The following MEST variants were observed in gnomAD, a reference collection of about 807,000 sequenced individuals.
MEST encodes mesoderm-specific transcript homolog protein.
A neutral mutation model predicts 50.9 loss-of-function variants in MEST; 18 were observed. The observed-to-expected ratio is 0.35, with a 90% CI of 0.24 to 0.52. The LOEUF (loss-of-function observed/expected upper bound fraction) is 0.52, where lower values mean the gene tolerates loss of function less well. Ranked by LOEUF, MEST falls within the 20% of genes least tolerant of loss-of-function variation. The pLI is 0.94. For synonymous variants in MEST, 130 were observed against 154.1 expected, an observed-to-expected ratio of 0.84 and a Z score of 1.16; for missense variants, 282 against 425.3, an observed-to-expected ratio of 0.66 and a Z score of 2.96.
Position 130,504,014 on chromosome 7 carries a change from A to G in MEST, c.890+18A>G, listed in dbSNP as rs1554439219. 2.5e-6 allele frequency: 4 copies of G among 1,602,862 alleles called. No homozygotes were observed. The Admixed American group carries it at 6.7e-5, about 27-fold the overall frequency. On this transcript the variant is annotated intron_variant, in intron 11 of 11. Coordinates refer to ENST00000223215, the MANE Select transcript of MEST (RefSeq NM_002402.4). ...CTGTACAGGTGAGTCTCCCCGAGAG[A>G]AGTCTATGTTTTGTTAGTATCTCAT...
chr7:130,504,241 A>G (rs989795236), intron 11 of MEST, among the ~76,000 whole-genome samples: 5 of 152,272 alleles, frequency 3.3e-5, no homozygotes, highest in Non-Finnish European at 7.3e-5. Context: ...ACTGCTACAT[A>G]TTCCTTGGTG....
chr7:130,503,860 G>A (rs986951718), intron 10 of MEST, 73 bp from the exon 11 acceptor site: 1 of 1,086,010 alleles, frequency 9.2e-7, no homozygotes, highest in Non-Finnish European at 1.4e-6. Context: ...TTTTCGGAGA[G>A]GAGTTAATTT....
At chr7:130,491,564 C>T (rs1268732799), upstream of MEST, 1 of 152,314 alleles carries the variant, frequency 6.6e-6, no homozygotes, top group Non-Finnish European at 1.5e-5. This position sits in a 1 kb window ranked among gnomAD's most constrained non-coding sequence, Gnocchi z 6.8. Context: ...GCTTAGGGCG[C>T]ATAGGGCCCT....
At position 130,505,167 on chromosome 7, in the gene MEST, C is replaced by T; in HGVS notation, c.*111C>T. ...TCCTGGCCATCAAACATAATTCTCT[C>T]ACAAAGTCCACTTTACTCAAATTGG... On this transcript the variant is annotated 3_prime_UTR_variant, in exon 12 of 12. Transcript: ENST00000223215. 1 of 810,896 alleles carries T rather than the reference C, an allele frequency of 1.2e-6. No homozygotes were observed. The highest frequency in any genetic ancestry group is 2.0e-6 in the Non-Finnish European group (1 of 488,082). The allele number at this position is 810,896 out of a possible 1,614,324, so 50.2% of individuals were successfully genotyped here. A position where few individuals can be genotyped will look rare whatever the true frequency, so the allele number is the denominator to read the frequency against.
intron 2 of MEST, chr7:130,496,219 C>A (rs541990240): frequency 4.4e-5 from 20 of 450,536 alleles, no homozygotes; most frequent in African/African-American, 3.5e-4. Flanking sequence ...AGTAAGTATA[C>A]AATTTTTATT....
At chr7:130,496,626 A>G (rs2116260983) in intron 2 of MEST, 1 of 166,616 alleles carries the variant, frequency 6.0e-6, no homozygotes, top group East Asian at 1.9e-4. Context: ...AGTTGACAGG[A>G]TTTTGTAATA....
At position 130,492,335 on chromosome 7, in the gene MEST, C is replaced by T. The variant is rs1186362030; in HGVS notation, c.22C>T (p.Arg8Cys). 1 of 1,334,514 alleles carries T rather than the reference C, an allele frequency of 7.5e-7. No individual in the cohort carries two copies. The highest frequency in any genetic ancestry group is 9.6e-7 in the Non-Finnish European group (1 of 1,040,274). The allele number at this position is 1,334,514 out of a possible 1,614,324, so 82.7% of individuals were successfully genotyped here. A position where few individuals can be genotyped will look rare whatever the true frequency, so the allele number is the denominator to read the frequency against. Residue 8 changes from arginine to cysteine, a missense_variant, in exon 1 of 12, where the codon CGC becomes TGC. Coordinates refer to ENST00000223215, the MANE Select transcript of MEST (RefSeq NM_002402.4). This position sits in a 1 kb window ranked among gnomAD's most constrained non-coding sequence, Gnocchi z 7.6. ...GGCCATGGTGCGCCGAGATCGCCTC[C>T]GCAGGTGAGTGTGCGGTGGGAACGA... is the stretch of plus-strand genomic sequence containing the variant. Reference protein sequence around the residue: MVRRDRLRRMREWWVQVG... With the variant: MVRRDRLCRMREWWVQVG...
rs1050581748 is a variant in MEST, at chr7:130,500,198, T to G, written c.577-264T>G. ...TCACAAGCTTGATGTTTGAACAAAT[T>G]AGGATCCTACTCTAAACTTGAATAT... On this transcript the variant is annotated intron_variant, in intron 7 of 11. Coordinates refer to ENST00000223215, the MANE Select transcript of MEST (RefSeq NM_002402.4). The surrounding 1 kb of genome is among the most constrained non-coding windows in gnomAD (Gnocchi z 5.0). 1.3e-5 allele frequency among the ~76,000 whole-genome samples: 2 copies of G among 152,190 alleles called. No homozygotes were observed. The highest frequency in any genetic ancestry group is 6.5e-5 in the Admixed American group (1 of 15,278).
chr7:130,497,119 G>T lies in MEST; in HGVS notation c.182-37G>T. The T allele has an allele frequency of 6.5e-7, 1 of 1,546,554 alleles. No homozygotes were observed. The highest frequency in any genetic ancestry group is 1.1e-5 in the South Asian group (1 of 87,404). On this transcript the variant is annotated intron_variant, in intron 2 of 11. Coordinates refer to ENST00000223215, the MANE Select transcript of MEST (RefSeq NM_002402.4). This position sits in a 1 kb window ranked among gnomAD's most constrained non-coding sequence, Gnocchi z 4.0. ...ACATCTTCGAGGTTATTTTTATAGG[G>T]ATTTGGCATAATTGATTGTACTTTC...
chr7:130,504,675 A>T (rs1799409793), intron 11 of MEST, among the ~76,000 whole-genome samples: 1 of 152,232 alleles, frequency 6.6e-6, no homozygotes, highest in Non-Finnish European at 1.5e-5. Context: ...GCTGAAAGTC[A>T]TCTTGCTTTG....
chr7:130,490,784 C>A (rs537072679), upstream of MEST: 7 of 152,340 alleles, frequency 4.6e-5, no homozygotes, highest in South Asian at 1.5e-3. Flanking sequence ...GGTGCTAAAT[C>A]AGCATTTGTT....
chr7:130,494,966 AAG>A (rs547280911), intron 1 of MEST: 192 of 400,762 alleles, frequency 4.8e-4, no homozygotes, highest in Non-Finnish European at 6.3e-4. Flanking sequence ...GTAAATAAGA[AAG>A]AAGTTATTTT....
rs148634005 is a variant in MEST, at chr7:130,497,544, G to A, written c.261+309G>A. Reference sequence around the variant, plus strand: ...TGCACTTCAGCCTAGGTGACAGAGCGAGAGTCTGTCTCAAAAAAAAATTTT... The same window carrying A: ...TGCACTTCAGCCTAGGTGACAGAGCAAGAGTCTGTCTCAAAAAAAAATTTT... On this transcript the variant is annotated intron_variant, in intron 3 of 11. Transcript: ENST00000223215. This position sits in a 1 kb window ranked among gnomAD's most constrained non-coding sequence, Gnocchi z 4.0. 1,518 of 259,070 alleles carry A rather than the reference G, an allele frequency of 5.9e-3. 18 individuals are homozygous for A. Among genetic ancestry groups the A allele is most frequent in the Middle Eastern group, 0.034 (28 of 814 alleles). The allele number at this position is 259,070 out of a possible 1,614,324, so 16.0% of individuals were successfully genotyped here. A position where few individuals can be genotyped will look rare whatever the true frequency, so the allele number is the denominator to read the frequency against.
chr7:130,491,503 T>C (rs1287494094), upstream of MEST: 1 of 152,410 alleles, frequency 6.6e-6, no homozygotes, highest in East Asian at 1.9e-4. This position sits in a 1 kb window ranked among gnomAD's most constrained non-coding sequence, Gnocchi z 6.8. Context: ...CCAACAGAGC[T>C]TGTTGCTCCC....
chr7:130,496,985 C>A, intron 2 of MEST, 171 bp from the exon 3 acceptor site: 1 of 484,818 alleles, frequency 2.1e-6, no homozygotes, highest in Non-Finnish European at 3.7e-6. Context: ...GGAGAAAAGG[C>A]CTGTTCTCAC....
chr7:130,494,896 T>C lies in MEST; in HGVS notation c.27-472T>C, dbSNP rs1033209575. ...TCTTTAAAACATGAGATATAGCACATATATATTTTTTGAACATTTTACTGG... is the reference window on the plus strand; with the variant it reads ...TCTTTAAAACATGAGATATAGCACACATATATTTTTTGAACATTTTACTGG... On this transcript the variant is annotated intron_variant, in intron 1 of 11. Transcript: ENST00000223215. The C allele has an allele frequency of 3.2e-5, 30 of 951,808 alleles. No homozygotes were observed. In the African/African-American group the frequency reaches 5.3e-4, roughly 17 times the overall value. The allele number at this position is 951,808 out of a possible 1,614,324, so 59.0% of individuals were successfully genotyped here. A position where few individuals can be genotyped will look rare whatever the true frequency, so the allele number is the denominator to read the frequency against.
At chr7:130,499,008 T>A (rs909749056) in intron 6 of MEST, among the ~76,000 whole-genome samples, 2 of 152,048 alleles carry the variant, frequency 1.3e-5, no homozygotes, top group Non-Finnish European at 2.9e-5. Context: ...ATGGAACCAA[T>A]TTTTTTTCTC....
intron 4 of MEST, 50 bp from the exon 5 acceptor site, chr7:130,498,089 G>T (rs1799134253): frequency 6.2e-7 from 1 of 1,614,084 alleles, no homozygotes; most frequent in East Asian, 2.2e-5. Flanking sequence ...CTGGCAGAGA[G>T]AGCTGTCCTC....
Position 130,492,199 on chromosome 7 carries a change from G to A in MEST, c.-115G>A. ...GCTGCCCGGCGCGGCGCCGCCCTGCGCGGGCTGTGGGCTGCGGGCTGCGCC... is the reference window on the plus strand; with the variant it reads ...GCTGCCCGGCGCGGCGCCGCCCTGCACGGGCTGTGGGCTGCGGGCTGCGCC... On this transcript the variant is annotated 5_prime_UTR_variant, in exon 1 of 12. Coordinates refer to ENST00000223215, the MANE Select transcript of MEST (RefSeq NM_002402.4). The surrounding 1 kb of genome is among the most constrained non-coding windows in gnomAD (Gnocchi z 7.6). The A allele has an allele frequency of 1.1e-6, 1 of 898,238 alleles. No individual in the cohort carries two copies. Among genetic ancestry groups the A allele is most frequent in the Non-Finnish European group, 1.4e-6 (1 of 696,664 alleles). 55.6% of individuals were successfully genotyped at this position (898,238 alleles called of 1,614,324 possible).
Sources: allele counts gnomAD v4.1 joint callset (sites outside exome capture counted in the v4.1 genomes callset), GRCh38; gene constraint gnomAD v4.1.1; non-coding constraint Gnocchi (gnomAD v3.1); transcripts MANE v1.5; gene names NCBI Gene and HGNC (gene_info 2026-07-23, HGNC 2026-07-21).